Variants in LONRF3 observed in about 807,000 individuals in gnomAD.
The protein encoded by LONRF3 is LON peptidase N-terminal domain and ring finger 3, also known as LON peptidase N-terminal domain and RING finger protein 3.
A neutral mutation model predicts 51.7 loss-of-function variants in LONRF3; 19 were observed. The observed-to-expected ratio is 0.37, with a 90% CI of 0.26 to 0.54. The LOEUF (loss-of-function observed/expected upper bound fraction) is 0.54. Among genes scored for constraint, LONRF3 ranks in the 20% least tolerant of loss-of-function variants. The pLI is 0.86. For synonymous variants in LONRF3, 265 were observed against 257.8 expected (o/e 1.03, Z -0.27); for missense variants, 521 against 623.9 (o/e 0.84, Z 1.76).
intron 9 of LONRF3, 34 bp from the exon 10 acceptor site, chrX:119,014,173 A>G: frequency 8.4e-7 from 1 of 1,187,706 alleles, no homozygotes; most frequent in Non-Finnish European, 1.1e-6. Flanking sequence ...TGGAGAGGGT[A>G]CAGAATGTTT....
At chrX:119,015,740 G>A (rs957650078) in intron 10 of LONRF3, among the ~76,000 whole-genome samples, 3 of 112,128 alleles carry the variant, frequency 2.7e-5, no homozygotes, top group Non-Finnish European at 5.6e-5. Flanking sequence ...TGAAATCTTG[G>A]GTTTCACTTC....
intron 3 of LONRF3, among the ~76,000 whole-genome samples, chrX:118,989,023 C>G (rs1371325829): frequency 9.0e-6 from 1 of 110,498 alleles, no homozygotes; most frequent in Admixed American, 9.6e-5. Flanking sequence ...TATTGAGTGA[C>G]AGGATCTGCC....
At chrX:118,995,403 C>CA (rs1248016768) in intron 5 of LONRF3, among the ~76,000 whole-genome samples, 1 of 111,822 alleles carries the variant, frequency 8.9e-6, no homozygotes. Context: ...AGAGTACAAA[C>CA]AGACAATCTA....
chrX:118,998,908 C>T (rs1281850408), intron 5 of LONRF3, among the ~76,000 whole-genome samples: 2 of 111,894 alleles, frequency 1.8e-5, no homozygotes, highest in African/African-American at 3.3e-5. Flanking sequence ...GATCCACCCG[C>T]CTTGGCCTTC....
chrX:118,980,457 T>C (rs1239030368), intron 2 of LONRF3, among the ~76,000 whole-genome samples: 1 of 112,205 alleles, frequency 8.9e-6, no homozygotes, highest in Non-Finnish European at 1.9e-5. Context: ...TATCAGAACT[T>C]TTTTGGATCT....
chrX:119,011,322 C>G (rs1002667373), intron 7 of LONRF3, among the ~76,000 whole-genome samples: 1 of 110,394 alleles, frequency 9.1e-6, no homozygotes, highest in Non-Finnish European at 1.9e-5. Context: ...CCTTTGCAGA[C>G]TCTTTGGGGT....
intron 6 of LONRF3, among the ~76,000 whole-genome samples, chrX:119,008,125 T>C (rs1325505397): frequency 8.9e-6 from 1 of 111,790 alleles, no homozygotes; most frequent in Non-Finnish European, 1.9e-5. Flanking sequence ...ACAGATGCTA[T>C]AGAGTTCAGG....
In LONRF3 at chrX:118,974,861, G is replaced by A; in HGVS notation, c.81G>A (p.Gly27=). ...ACAACTTGGAGTCGGCGGAGCGAGG[G>A]GCATCAGCGGCCCAAGTAGACATGG... The part of the protein sequence containing the change: ...SSDNLESAER[G]ASAAQVDMGP... Residue 27 remains glycine (G), a synonymous_variant, in exon 1 of 11, where the codon GGG becomes GGA. Coordinates refer to ENST00000371628, the MANE Select transcript of LONRF3 (RefSeq NM_001031855.3). The A allele has an allele frequency of 8.3e-7, 1 of 1,206,328 alleles. No individual in the cohort carries two copies. Among genetic ancestry groups the A allele is most frequent in the South Asian group, 1.8e-5 (1 of 55,890 alleles).
At chrX:118,987,445 G>GTTTTTGTT (rs1923069916) in intron 3 of LONRF3, among the ~76,000 whole-genome samples, 1 of 32,304 alleles carries the variant, frequency 3.1e-5, no homozygotes, top group Admixed American at 5.6e-4. Flanking sequence ...GCCTGGCTAA[G>GTTTTTGTT]TTTTTTTTTT....
Position 118,989,585 on chromosome X carries a change from A to G in LONRF3, c.1237A>G (p.Thr413Ala). ...CTCTCCAAAAGCTGCTTCCAGCAAG[A>G]CTGGAAAATGCCAGGAAAAGAAAAG... ...ATSPKAASSK[T>A]GKCQEKKRKH... Residue 413 changes from threonine to alanine, a missense_variant, in exon 4 of 11, where the codon ACT becomes GCT. Thr to Ala is a moderately conservative substitution (Grantham distance 58). Around this residue, in one of 2 missense-constraint regions of LONRF3, gnomAD observed 376 missense variants for 376.7 expected, o/e 1.00. Transcript: ENST00000371628. The G allele has an allele frequency of 8.3e-7, 1 of 1,211,071 alleles. No homozygotes were observed. Among genetic ancestry groups the G allele is most frequent in the Non-Finnish European group, 1.1e-6 (1 of 895,009 alleles).
In LONRF3 at chrX:118,990,466, G is replaced by T; in HGVS notation, c.1325-4G>T. The T allele has an allele frequency of 1.7e-6, 2 of 1,203,171 alleles. No homozygotes were observed. Among genetic ancestry groups the T allele is most frequent in the Non-Finnish European group, 2.3e-6 (2 of 888,144 alleles). ...GCGCTGACTTCTTGCTTTCTAAATC[G>T]CAGATCCTCCCACTGATCAGGGGGA... On this transcript the variant is annotated splice_polypyrimidine_tract_variant and splice_region_variant and intron_variant, in intron 4 of 10. Coordinates refer to ENST00000371628, the MANE Select transcript of LONRF3 (RefSeq NM_001031855.3).
At chrX:119,000,462 T>A (rs372522802) in intron 5 of LONRF3, among the ~76,000 whole-genome samples, 9 of 111,616 alleles carry the variant, frequency 8.1e-5, no homozygotes, top group African/African-American at 2.9e-4. Context: ...GGGAGCTCTG[T>A]TGAGAGAAGT....
intron 3 of LONRF3, among the ~76,000 whole-genome samples, chrX:118,988,775 A>AT (rs1189904516): frequency 3.1e-5 from 3 of 96,081 alleles, no homozygotes. Context: ...GACATTGTTG[A>AT]TTTTTTTTGC....
intron 5 of LONRF3, among the ~76,000 whole-genome samples, chrX:118,992,789 C>T (rs1923523380): frequency 9.0e-6 from 1 of 111,157 alleles, no homozygotes; most frequent in African/African-American, 3.3e-5. Flanking sequence ...CCACCTCCAC[C>T]AGAACAGGCA....
chrX:118,997,777 G>A (rs1472834540), intron 5 of LONRF3, among the ~76,000 whole-genome samples: 1 of 111,914 alleles, frequency 8.9e-6, no homozygotes, highest in Non-Finnish European at 1.9e-5. Context: ...AAACAAATCA[G>A]TAAGAAAAAA....
intron 2 of LONRF3, among the ~76,000 whole-genome samples, chrX:118,979,086 C>T (rs192908050): frequency 9.5e-6 from 1 of 105,053 alleles, no homozygotes; most frequent in African/African-American, 3.5e-5. Context: ...CTGCAACCTC[C>T]GCCTCCTGGG....
At chrX:118,984,515 T>C (rs1212549275) in intron 3 of LONRF3, among the ~76,000 whole-genome samples, 2 of 112,159 alleles carry the variant, frequency 1.8e-5, no homozygotes, top group African/African-American at 6.5e-5. Context: ...ATGTTTTTGG[T>C]GTCATCAGTT....
rs774461957 is a variant in LONRF3 at position 118,975,338 on chromosome X, G to A, written c.558G>A (p.Arg186=). The change falls in exon 1 of 11, where the codon CGG becomes CGA. Residue 186 remains arginine, a synonymous_variant. Transcript: ENST00000371628. The part of the protein sequence containing the change: ...TFCKLCLERG[R]AADRRCALCG... ...GTAAACTGTGCCTGGAACGTGGGCG[G>A]GCCGCCGACCGGCGCTGTGCGCTGT... The A allele has an allele frequency of 4.1e-6, 5 of 1,210,208 alleles. No individual in the cohort carries two copies. Among genetic ancestry groups the A allele is most frequent in the Non-Finnish European group, 5.6e-6 (5 of 895,058 alleles).
At chrX:119,003,501 C>T (rs927011224) in intron 5 of LONRF3, among the ~76,000 whole-genome samples, 6 of 112,204 alleles carry the variant, frequency 5.3e-5, no homozygotes, top group African/African-American at 9.7e-5. Context: ...AAAATCTTTC[C>T]CCCATCTGCT....
Sources: allele counts gnomAD v4.1 joint callset (sites outside exome capture counted in the v4.1 genomes callset), GRCh38; gene constraint gnomAD v4.1.1; regional missense constraint gnomAD v4.1.1; transcripts MANE v1.5; gene names NCBI Gene and HGNC (gene_info 2026-07-23, HGNC 2026-07-21).